Variants in RBM26 observed in about 807,000 individuals in gnomAD.
The protein encoded by RBM26 is RNA-binding protein 26.
RBM26 carries 30 observed loss-of-function variants against 123.6 expected under a neutral mutation model. That is an observed-to-expected ratio of 0.24 (90% CI 0.18 to 0.33). The LOEUF (loss-of-function observed/expected upper bound fraction) is 0.33. RBM26 is among the 10% of genes least tolerant of loss of function. RBM26 has a pLI of 1.00. For synonymous variants in RBM26, 400 were observed against 404.4 expected (o/e 0.99, Z 0.13); for missense variants, 947 against 1,203.6 (o/e 0.79, Z 3.15).
Position 79,320,714 on chromosome 13 carries a change from T to C in RBM26, c.2935-4A>G. 4 of 1,538,254 alleles carry C rather than the reference T, an allele frequency of 2.6e-6. No homozygotes were observed. The highest frequency in any genetic ancestry group is 3.5e-6 in the Non-Finnish European group (4 of 1,148,058). Reference sequence around the variant, plus strand: ...CCACCAAAGACTCTTCCTGAAACTTTAGGTTAAAATGTATTTAGGAATTTA... The same window carrying C: ...CCACCAAAGACTCTTCCTGAAACTTCAGGTTAAAATGTATTTAGGAATTTA... On this transcript the variant is annotated splice_polypyrimidine_tract_variant and splice_region_variant and intron_variant, in intron 21 of 21. Coordinates refer to ENST00000438737, the MANE Select transcript of RBM26 (RefSeq NM_001366735.2).
At chr13:79,362,319 T>A (rs976761253) in intron 9 of RBM26, among the ~76,000 whole-genome samples, 3 of 152,186 alleles carry the variant, frequency 2.0e-5, no homozygotes, top group African/African-American at 4.8e-5. Flanking sequence ...AGTTACAAGT[T>A]TTGTCAATTC....
downstream of RBM26, chr13:79,314,199 T>G (rs562422976): frequency 4.6e-5 from 7 of 151,898 alleles, no homozygotes; most frequent in South Asian, 1.4e-3. Context: ...TAAAAACTAG[T>G]CTTTACCAAT....
intron 10 of RBM26, 37 bp from the exon 11 acceptor site, chr13:79,358,470 AATCCTG>A (rs1458379706): frequency 5.2e-6 from 8 of 1,551,490 alleles, no homozygotes; most frequent in Non-Finnish European, 6.2e-6. Context: ...TACATTTATA[AATCCTG>A]ACCCTAACCA....
Position 79,353,195 on chromosome 13 carries a change from C to T in RBM26, c.2016G>A (p.Arg672=). The T allele has an allele frequency of 6.3e-7, 1 of 1,590,280 alleles. No individual in the cohort carries two copies. The highest frequency in any genetic ancestry group is 8.6e-7 in the Non-Finnish European group (1 of 1,167,024). The change falls in exon 14 of 22, where the codon AGG becomes AGA. Residue 672 remains arginine (R), a synonymous_variant. Transcript: ENST00000438737. ...CAGATGGCTTTGATACAAAACCCAACCTGTCCTTCACAGATAACTTAGTTA... is the reference window on the plus strand; with the variant it reads ...CAGATGGCTTTGATACAAAACCCAATCTGTCCTTCACAGATAACTTAGTTA... ...QNVTKLSVKD[R]LGFVSKPSVS...
chr13:79,362,409 T>A (rs9574413), intron 9 of RBM26, among the ~76,000 whole-genome samples: 26,287 of 152,172 alleles, frequency 0.17, 2,847 homozygotes, highest in Non-Finnish European at 0.24. Context: ...ATTCTGTAAA[T>A]GCTTTTAATT....
At chr13:79,326,164 T>C (rs528116293) in intron 20 of RBM26, among the ~76,000 whole-genome samples, 1 of 152,350 alleles carries the variant, frequency 6.6e-6, no homozygotes, top group South Asian at 2.1e-4. Flanking sequence ...TGGCACATGA[T>C]TGTATAAACT....
At chr13:79,320,947 T>C (rs1294915878) in intron 21 of RBM26, among the ~76,000 whole-genome samples, 5 of 151,252 alleles carry the variant, frequency 3.3e-5, no homozygotes, top group African/African-American at 1.2e-4. Context: ...AAAGCCTTTG[T>C]ACATGCCATT....
intron 9 of RBM26, among the ~76,000 whole-genome samples, chr13:79,365,012 T>C (rs9318630): frequency 0.99 from 150,011 of 152,012 alleles, 74,058 homozygotes; most frequent in East Asian, 1. Flanking sequence ...CCCAAGAAAA[T>C]GTGCTTCTTT....
At chr13:79,322,270 TC>T in intron 21 of RBM26, 78 bp downstream of exon 21, 4 of 906,818 alleles carry the variant, frequency 4.4e-6, no homozygotes, top group Non-Finnish European at 6.6e-6. Context: ...TATGTTAAAA[TC>T]ACGGCCATAA....
chr13:79,381,352 T>C (rs1006291416), intron 1 of RBM26, among the ~76,000 whole-genome samples: 2 of 152,072 alleles, frequency 1.3e-5, no homozygotes, highest in African/African-American at 4.8e-5. Flanking sequence ...AGTCACTCCC[T>C]ATCAACCAAA....
intron 18 of RBM26, among the ~76,000 whole-genome samples, chr13:79,337,889 T>C (rs905690415): frequency 6.6e-6 from 1 of 152,206 alleles, no homozygotes; most frequent in Admixed American, 6.5e-5. Context: ...TTTACCCTCA[T>C]GAAACCCAAG....
chr13:79,401,887 T>A (rs1316494775), intron 1 of RBM26, among the ~76,000 whole-genome samples: 2 of 152,168 alleles, frequency 1.3e-5, no homozygotes, highest in African/African-American at 4.8e-5. Context: ...CACTACACAG[T>A]GGCAGAAGCA....
chr13:79,356,369 C>CAAA (rs72305160), intron 11 of RBM26, among the ~76,000 whole-genome samples: 22 of 83,358 alleles, frequency 2.6e-4, no homozygotes, highest in East Asian at 5.8e-4. Flanking sequence ...GACTCTGTCT[C>CAAA]AAAAAAAAAA....
intron 20 of RBM26, among the ~76,000 whole-genome samples, chr13:79,325,352 C>T (rs1045242031): frequency 3.3e-5 from 5 of 151,992 alleles, no homozygotes; most frequent in African/African-American, 1.2e-4. Context: ...ACACACATTG[C>T]CTATGACAGC....
chr13:79,327,221 AG>A, intron 20 of RBM26, among the ~76,000 whole-genome samples: 1 of 151,758 alleles, frequency 6.6e-6, no homozygotes, highest in East Asian at 1.9e-4. Context: ...ACCTGAGCTC[AG>A]GAAGTCAAGG....
At chr13:79,353,805 C>A (rs1035817518) in intron 13 of RBM26, among the ~76,000 whole-genome samples, 7 of 152,076 alleles carry the variant, frequency 4.6e-5, no homozygotes, top group African/African-American at 1.7e-4. Flanking sequence ...ACAGCAAATG[C>A]TGAAACATCG....
At chr13:79,317,600 T>G (rs1566268939), downstream of RBM26, among the ~76,000 whole-genome samples, 1 of 151,744 alleles carries the variant, frequency 6.6e-6, no homozygotes, top group Non-Finnish European at 1.5e-5. Flanking sequence ...TCTTAGCATT[T>G]CTAATCATAT....
At chr13:79,322,130 T>C (rs1243793570) in intron 21 of RBM26, among the ~76,000 whole-genome samples, 2 of 151,476 alleles carry the variant, frequency 1.3e-5, no homozygotes, top group African/African-American at 4.8e-5. Flanking sequence ...AAATTGAGTA[T>C]ATATATATGA....
intron 20 of RBM26, among the ~76,000 whole-genome samples, chr13:79,333,042 T>G (rs1401290866): frequency 6.6e-6 from 1 of 152,096 alleles, no homozygotes; most frequent in Non-Finnish European, 1.5e-5. Flanking sequence ...AAACTACCTA[T>G]CTAGCAAGAG....
Sources: allele counts gnomAD v4.1 joint callset (sites outside exome capture counted in the v4.1 genomes callset), GRCh38; gene constraint gnomAD v4.1.1; transcripts MANE v1.5; gene names NCBI Gene and HGNC (gene_info 2026-07-23, HGNC 2026-07-21).